Variants in SNAP91 observed in about 807,000 individuals in gnomAD.
SNAP91 encodes the protein clathrin coat assembly protein AP180.
SNAP91 carries 27 observed loss-of-function variants against 100.3 expected under a neutral mutation model. That is an observed-to-expected ratio of 0.27 (90% CI 0.20 to 0.37). SNAP91 has a LOEUF of 0.37. Among genes scored for constraint, SNAP91 ranks in the 10% least tolerant of loss-of-function variants. SNAP91 has a pLI of 1.00. For synonymous variants in SNAP91, 404 were observed against 398.6 expected (o/e 1.01, Z -0.16); for missense variants, 986 against 1,123.7 (o/e 0.88, Z 1.75).
chr6:83,642,556 A>T (rs1167141757), intron 7 of SNAP91, among the ~76,000 whole-genome samples: 1 of 152,182 alleles, frequency 6.6e-6, no homozygotes, highest in African/African-American at 2.4e-5. Context: ...TCCACAGTGT[A>T]TATGTGCCAC....
intron 2 of SNAP91, among the ~76,000 whole-genome samples, chr6:83,679,365 TA>T (rs2098955552): frequency 6.6e-6 from 1 of 152,142 alleles, no homozygotes; most frequent in East Asian, 1.9e-4. Flanking sequence ...ACTAGTTTTT[TA>T]AAAAATGGTT....
chr6:83,610,548 C>T, intron 12 of SNAP91, 102 bp downstream of exon 12: 1 of 400,922 alleles, frequency 2.5e-6, no homozygotes, highest in Non-Finnish European at 4.6e-6. Flanking sequence ...GATGGTTGTA[C>T]AACAATGTTA....
At chr6:83,596,325 T>C (rs2094465663) in intron 16 of SNAP91, among the ~76,000 whole-genome samples, 1 of 152,156 alleles carries the variant, frequency 6.6e-6, no homozygotes, top group African/African-American at 2.4e-5. Flanking sequence ...CTAAATGCCA[T>C]GTTAAAGATA....
intron 8 of SNAP91, among the ~76,000 whole-genome samples, chr6:83,630,096 C>T (rs887192005): frequency 6.6e-6 from 1 of 152,028 alleles, no homozygotes; most frequent in African/African-American, 2.4e-5. Context: ...TTTTCTGCAT[C>T]TATTGAGATG....
At position 83,664,945 on chromosome 6, in the gene SNAP91, T is replaced by G. The variant is rs899966922; in HGVS notation, c.273+494A>C. ...ATCCTAATCAGTCAGCAGCCATCAA[T>G]ATCAGGGCAAGACCTTCTACCAGCA... On this transcript the variant is annotated intron_variant, in intron 3 of 29. Coordinates refer to ENST00000369694, the MANE Select transcript of SNAP91 (RefSeq NM_001242792.2). Among the ~76,000 whole-genome samples, 7 of 152,268 alleles carry G rather than the reference T, an allele frequency of 4.6e-5. No homozygotes were observed. The East Asian group carries it at 1.4e-3, about 29-fold the overall frequency.
At chr6:83,587,323 G>C (rs2092872866) in intron 22 of SNAP91, among the ~76,000 whole-genome samples, 1 of 152,110 alleles carries the variant, frequency 6.6e-6, no homozygotes, top group Non-Finnish European at 1.5e-5. Flanking sequence ...CCTTTGAACA[G>C]TCTAAACCTC....
At chr6:83,597,609 T>C (rs2207944) in intron 16 of SNAP91, among the ~76,000 whole-genome samples, 83,296 of 152,014 alleles carry the variant, frequency 0.55, 23,918 homozygotes, top group African/African-American at 0.71. Flanking sequence ...ACTAGTCTTT[T>C]TTCCCCTTCC....
At chr6:83,689,249 A>C (rs1388441541) in intron 2 of SNAP91, among the ~76,000 whole-genome samples, 2 of 152,218 alleles carry the variant, frequency 1.3e-5, no homozygotes, top group South Asian at 2.1e-4. Context: ...GTGAACTGTC[A>C]GCTATCTCTT....
At chr6:83,579,624 T>C (rs1187380595) in intron 24 of SNAP91, among the ~76,000 whole-genome samples, 2 of 152,180 alleles carry the variant, frequency 1.3e-5, no homozygotes, top group Non-Finnish European at 2.9e-5. Flanking sequence ...ATCTTTGTAA[T>C]AGCTGCCCTC....
chr6:83,641,803 CTATT>C (rs1392032734), intron 7 of SNAP91, among the ~76,000 whole-genome samples: 4 of 152,082 alleles, frequency 2.6e-5, no homozygotes, highest in South Asian at 2.1e-4. Context: ...ACTTTCTAGT[CTATT>C]TATGCTCTCT....
At chr6:83,677,267 C>T (rs890858778) in intron 2 of SNAP91, among the ~76,000 whole-genome samples, 8 of 152,150 alleles carry the variant, frequency 5.3e-5, no homozygotes, top group African/African-American at 1.9e-4. Context: ...ATTTCAGAAT[C>T]ACTGGCAAGC....
chr6:83,636,252 A>G (rs1304161479), intron 8 of SNAP91, among the ~76,000 whole-genome samples: 2 of 152,176 alleles, frequency 1.3e-5, no homozygotes, highest in Non-Finnish European at 2.9e-5. Context: ...TATATCCTCA[A>G]ATATGTTCTC....
chr6:83,662,513 T>G, intron 3 of SNAP91, 91 bp from the exon 4 acceptor site: 1 of 448,258 alleles, frequency 2.2e-6, no homozygotes, highest in Non-Finnish European at 3.9e-6. Context: ...TTTTAACAAA[T>G]TCTCATTGGG....
chr6:83,574,145 A>C (rs909512813), intron 26 of SNAP91, among the ~76,000 whole-genome samples: 1 of 152,202 alleles, frequency 6.6e-6, no homozygotes, highest in African/African-American at 2.4e-5. Flanking sequence ...AACATCAAGA[A>C]AGCCTTAGAG....
At position 83,623,358 on chromosome 6, in the gene SNAP91, AT is replaced by A. The variant is rs765501769; in HGVS notation, c.766-17del. On this transcript the variant is annotated splice_polypyrimidine_tract_variant and intron_variant, in intron 8 of 29. Transcript: ENST00000369694. Reference sequence around the variant, plus strand: ...TACCAACTTGCTGTGGATTTAAAAAATTAGAAATTAGTAGAACTTTTAAAAT... The same window carrying A: ...TACCAACTTGCTGTGGATTTAAAAAATAGAAATTAGTAGAACTTTTAAAAT... The A allele has an allele frequency of 4.4e-6, 7 of 1,580,048 alleles. No homozygotes were observed. Among genetic ancestry groups the A allele is most frequent in the Non-Finnish European group, 6.0e-6 (7 of 1,157,068 alleles).
chr6:83,655,142 C>A (rs2098361882), intron 7 of SNAP91, among the ~76,000 whole-genome samples: 1 of 152,118 alleles, frequency 6.6e-6, no homozygotes, highest in South Asian at 2.1e-4. Context: ...AATTCAGAGA[C>A]CAGTCACCTC....
intron 8 of SNAP91, among the ~76,000 whole-genome samples, chr6:83,624,485 A>G (rs1241214273): frequency 6.6e-6 from 1 of 152,158 alleles, no homozygotes; most frequent in Non-Finnish European, 1.5e-5. Context: ...TGCTACAAAG[A>G]CAATAAAGCA....
chr6:83,622,805 AG>A (rs2096783062), intron 9 of SNAP91, among the ~76,000 whole-genome samples: 1 of 152,012 alleles, frequency 6.6e-6, no homozygotes, highest in South Asian at 2.1e-4. Flanking sequence ...CTATTTTATT[AG>A]CTTATTTTAT....
In SNAP91 at chr6:83,591,252, T is replaced by A. The variant is rs755272450; in HGVS notation, c.1973A>T (p.Gln658Leu). 17 of 1,612,760 alleles carry A rather than the reference T, an allele frequency of 1.1e-5. No individual in the cohort carries two copies. In the African/African-American group the frequency reaches 1.9e-4, roughly 18 times the overall value. ...SSASEPQPAS[Q>L]AASSSSASAD... The stretch of plus-strand genomic sequence containing the variant: ...CGATGCTGATGAACTAGAAGCAGCC[T>A]GAGATGCAGGTTGGGGTTCAGAAGC... Residue 658 changes from glutamine to leucine, a missense_variant, in exon 22 of 30, where the codon CAG becomes CTG. Transcript: ENST00000369694.
Sources: allele counts gnomAD v4.1 joint callset (sites outside exome capture counted in the v4.1 genomes callset), GRCh38; gene constraint gnomAD v4.1.1; transcripts MANE v1.5; gene names NCBI Gene and HGNC (gene_info 2026-07-23, HGNC 2026-07-21).